HOXB3: variants seen among roughly 807,000 people sequenced by gnomAD.
The protein encoded by HOXB3 is homeobox B3, also known as homeobox protein Hox-B3.
HOXB3 carries 17 observed loss-of-function variants against 29.2 expected under a neutral mutation model. That is an observed-to-expected ratio of 0.58 (90% CI 0.40 to 0.87). The LOEUF (loss-of-function observed/expected upper bound fraction) is 0.87. HOXB3 is among the 40% of genes least tolerant of loss of function. HOXB3 has a pLI of 0.00. For missense variants in HOXB3, 637 were observed against 616.3 expected (o/e 1.03, Z -0.35); for synonymous variants, 317 against 285.9 (o/e 1.11, Z -1.10).
intron 1 of HOXB3, chr17:48,579,885 GT>G (rs764734216): frequency 3.8e-6 from 2 of 521,116 alleles, no homozygotes; most frequent in African/African-American, 3.9e-5. Flanking sequence ...ATACGAATTT[GT>G]GACCACAAAA....
chr17:48,588,945 G>C (rs1349572863), intron 1 of HOXB3, among the ~76,000 whole-genome samples: 1 of 152,228 alleles, frequency 6.6e-6, no homozygotes, highest in Non-Finnish European at 1.5e-5. Context: ...TCCAATCCCA[G>C]AAACTACCTA....
intron 2 of HOXB3, among the ~76,000 whole-genome samples, chr17:48,570,561 G>T (rs1364452510): frequency 6.6e-6 from 1 of 152,160 alleles, no homozygotes; most frequent in African/African-American, 2.4e-5. Context: ...TGTTCGAAGG[G>T]GTCTAAACCA....
Position 48,552,263 on chromosome 17 carries a change from C to T in HOXB3, c.212G>A (p.Gly71Asp). Residue 71 changes from glycine (G) to aspartate (D), a missense_variant, in exon 4 of 5, where the codon GGC becomes GAC. Physicochemically the swap from Gly to Asp is moderately conservative, Grantham distance 94. Transcript: ENST00000498678. Reference sequence around the variant, plus strand: ...GGCCAGACCCGGCCTCATGCAGCTGCCGTTGAGCTCCTTGCTCTTGGCATG... The same window carrying T: ...GGCCAGACCCGGCCTCATGCAGCTGTCGTTGAGCTCCTTGCTCTTGGCATG... The part of the protein sequence containing the change: ...APHAKSKELN[G>D]SCMRPGLAPE... 5 of 1,613,726 alleles carry T rather than the reference C, an allele frequency of 3.1e-6. No individual in the cohort carries two copies. The highest frequency in any genetic ancestry group is 4.2e-6 in the Non-Finnish European group (5 of 1,179,936).
chr17:48,579,666 G>T (rs2069882441), intron 1 of HOXB3: 1 of 184,502 alleles, frequency 5.4e-6, no homozygotes, highest in Admixed American at 6.5e-5. Flanking sequence ...GCTCCCAGGG[G>T]CAGGCGTGGG....
chr17:48,578,476 G>T, intron 1 of HOXB3: 2 of 940,482 alleles, frequency 2.1e-6, no homozygotes, highest in Non-Finnish European at 3.1e-6. Flanking sequence ...GCGATTCCCG[G>T]ATAAGGAAAT....
rs2069674021 is a variant in HOXB3, at chr17:48,573,985, T to C, written c.-395A>G. 1.5e-6 allele frequency: 1 copy of C among 674,178 alleles called. No homozygotes were observed. Among genetic ancestry groups the C allele is most frequent in the African/African-American group, 1.8e-5 (1 of 55,858 alleles). 41.8% of individuals were successfully genotyped at this position (674,178 alleles called of 1,614,324 possible). On this transcript the variant is annotated 5_prime_UTR_variant, in exon 2 of 5. Transcript: ENST00000498678. ...TCCGGGAGAGACGGCTAACACTTTT[T>C]TCCCCCAACAGCCGGTCCAAGGAGA...
chr17:48,558,184 G>A (rs1309904809), intron 2 of HOXB3, among the ~76,000 whole-genome samples: 1 of 152,168 alleles, frequency 6.6e-6, no homozygotes, highest in Non-Finnish European at 1.5e-5. Context: ...TTGCCTCTAG[G>A]AATAACACGA....
chr17:48,569,877 GTGT>G (rs1342762512), intron 2 of HOXB3, among the ~76,000 whole-genome samples: 1 of 152,150 alleles, frequency 6.6e-6, no homozygotes, highest in Non-Finnish European at 1.5e-5. Flanking sequence ...TTTCCCTGTT[GTGT>G]TGTTACTACT....
intron 2 of HOXB3, among the ~76,000 whole-genome samples, chr17:48,568,334 T>C (rs1215716675): frequency 1.3e-5 from 2 of 152,240 alleles, no homozygotes; most frequent in Admixed American, 1.3e-4. Flanking sequence ...TATATGCCAA[T>C]GAGGCATTTC....
At chr17:48,573,170 T>TG (rs564149507) in intron 2 of HOXB3, among the ~76,000 whole-genome samples, 6 of 152,128 alleles carry the variant, frequency 3.9e-5, no homozygotes, top group Non-Finnish European at 8.8e-5. Flanking sequence ...GGAAGAAGGC[T>TG]GGGGGGACAG....
Position 48,550,340 on chromosome 17 carries a change from G to A in HOXB3, c.1290C>T (p.His430=), listed in dbSNP as rs140224215. The A allele has an allele frequency of 2.5e-6, 4 of 1,613,864 alleles. No individual in the cohort carries two copies. In the African/African-American group the frequency reaches 5.3e-5, roughly 22 times the overall value. Residue 430 remains histidine (H), a synonymous_variant, in exon 5 of 5, where the codon CAC becomes CAT. Transcript: ENST00000498678. ...CCTCGTTCGCCCTTTCCCATCACAG[G>A]TGTGTTAATTTGGGCGCTTCTTGGA... ...GRIQEAPKLT[H]L is the part of the protein sequence containing the mutation.
At chr17:48,566,027 A>G (rs2740760) in intron 2 of HOXB3, among the ~76,000 whole-genome samples, 67,028 of 152,086 alleles carry the variant, frequency 0.44, 17,778 homozygotes, top group Non-Finnish European at 0.57. Context: ...AGAGATAAAC[A>G]CTGCAATTAT....
rs375556391 is a variant in HOXB3 at position 48,550,324 on chromosome 17, C to T, written c.*10G>A. ...CTCCCCATCCCCTAATCCTCGTTCG[C>T]CCTTTCCCATCACAGGTGTGTTAAT... On this transcript the variant is annotated 3_prime_UTR_variant, in exon 5 of 5. Coordinates refer to ENST00000498678, the MANE Select transcript of HOXB3 (RefSeq NM_001384749.1). 1.9e-6 allele frequency: 3 copies of T among 1,613,698 alleles called. No individual in the cohort carries two copies. Among genetic ancestry groups the T allele is most frequent in the African/African-American group, 1.3e-5 (1 of 74,928 alleles).
intron 1 of HOXB3, among the ~76,000 whole-genome samples, chr17:48,587,846 C>G (rs757786123): frequency 6.6e-6 from 1 of 152,204 alleles, no homozygotes; most frequent in Non-Finnish European, 1.5e-5. Context: ...AATTGTCCAC[C>G]GAGTGGTGGC....
chr17:48,551,731 ACT>A (rs2068752001), intron 4 of HOXB3, among the ~76,000 whole-genome samples: 1 of 152,142 alleles, frequency 6.6e-6, no homozygotes. Context: ...ATCGTTGACG[ACT>A]CTGCATCCTC....
chr17:48,558,021 G>GT lies in HOXB3; in HGVS notation c.-246-2404dup, dbSNP rs201061282. Among the ~76,000 whole-genome samples the GT allele has an allele frequency of 3.9e-3, 596 of 150,964 alleles. 5 individuals are homozygous for GT. The highest frequency in any genetic ancestry group is 0.031 in the Middle Eastern group (9 of 292). ...GCTTAAAGAAACCAGTACCTTTGGG[G>GT]TTTTTTTTTCTATCACTCCCCCAAA... On this transcript the variant is annotated intron_variant, in intron 2 of 4. Transcript: ENST00000498678.
intron 1 of HOXB3, chr17:48,582,643 T>C (rs1453163210): frequency 6.6e-6 from 1 of 152,198 alleles, no homozygotes; most frequent in Non-Finnish European, 1.5e-5. Context: ...CGCAGTTCGC[T>C]GGGTCATATT....
intron 1 of HOXB3, chr17:48,576,567 CCT>C (rs1267506746): frequency 1.7e-6 from 1 of 571,948 alleles, no homozygotes; most frequent in African/African-American, 1.9e-5. Context: ...TTCCCCTCCC[CCT>C]CTTCTGCGTT....
chr17:48,550,587 C>T lies in HOXB3; in HGVS notation c.1043G>A (p.Gly348Asp), dbSNP rs1175484601. The T allele has an allele frequency of 6.6e-7, 1 of 1,525,286 alleles. No homozygotes were observed. The highest frequency in any genetic ancestry group is 1.3e-5 in the South Asian group (1 of 77,040). The allele number at this position is 1,525,286 out of a possible 1,614,324, so 94.5% of individuals were successfully genotyped here. A position where few individuals can be genotyped will look rare whatever the true frequency, so the allele number is the denominator to read the frequency against. The change falls in exon 5 of 5, where the codon GGC (glycine) becomes GAC (aspartate). Residue 348 changes from glycine (G) to aspartate (D), a missense_variant. Coordinates refer to ENST00000498678, the MANE Select transcript of HOXB3 (RefSeq NM_001384749.1). ...GGAYGTPTMQ[G>D]SPVYVGGGGY... Reference sequence around the variant, plus strand: ...GCCCCCGCCCACGTACACCGGACTGCCCTGCATGGTGGGCGTCCCGTAGGC... The same window carrying T: ...GCCCCCGCCCACGTACACCGGACTGTCCTGCATGGTGGGCGTCCCGTAGGC...
Sources: allele counts gnomAD v4.1 joint callset (sites outside exome capture counted in the v4.1 genomes callset), GRCh38; gene constraint gnomAD v4.1.1; transcripts MANE v1.5; gene names NCBI Gene and HGNC (gene_info 2026-07-23, HGNC 2026-07-21).